The following NWD1 variants were observed in gnomAD, a reference collection of about 807,000 sequenced individuals.
NWD1 encodes NACHT and WD repeat domain containing 1.
Under a neutral mutation model 135.1 loss-of-function variants are expected in NWD1, and 129 were observed. The observed-to-expected ratio is 0.96, with a 90% confidence interval of 0.83 to 1.11. The LOEUF (loss-of-function observed/expected upper bound fraction) is 1.11, where lower values mean the gene tolerates loss of function less well. Ranked by LOEUF, NWD1 falls within the 50% of genes least tolerant of loss-of-function variation. NWD1 has a pLI of 0.00. For synonymous variants in NWD1, 773 were observed against 786.0 expected (o/e 0.98, Z 0.28); for missense variants, 1,740 against 1,851.3 (o/e 0.94, Z 1.10).
At chr19:16,740,383 TG>T (rs1232346337) in intron 4 of NWD1, among the ~76,000 whole-genome samples, 1 of 152,072 alleles carries the variant, frequency 6.6e-6, no homozygotes, top group Admixed American at 6.6e-5. Context: ...TCACCCAGGC[TG>T]GGGTGCAGTG....
At position 16,817,171 on chromosome 19, in the gene NWD1, G is replaced by A. The variant is rs1228620180; in HGVS notation, c.*2132G>A. On this transcript the variant is annotated 3_prime_UTR_variant, in exon 19 of 19. Transcript: ENST00000524140. ...AAAAATCAGCCAGGCATGGTGGTGA[G>A]TGCCTGTAATCTCAGTTACTCAGGA... 1 of 152,162 alleles carries A rather than the reference G, an allele frequency of 6.6e-6. No homozygotes were observed. Among genetic ancestry groups the A allele is most frequent in the Non-Finnish European group, 1.5e-5 (1 of 68,068 alleles). 9.4% of individuals were successfully genotyped at this position (152,162 alleles called of 1,614,324 possible).
At chr19:16,790,163 A>G (rs1456497041) in intron 13 of NWD1, among the ~76,000 whole-genome samples, 3 of 152,148 alleles carry the variant, frequency 2.0e-5, no homozygotes, top group African/African-American at 7.2e-5. Context: ...ATAGCTTACT[A>G]ATTGATGCCA....
chr19:16,786,009 C>T (rs937360288), intron 12 of NWD1, among the ~76,000 whole-genome samples: 13 of 151,838 alleles, frequency 8.6e-5, no homozygotes, highest in African/African-American at 1.7e-4. Flanking sequence ...AGATTACAGG[C>T]GCCTGCCACC....
At chr19:16,753,310 GA>G (rs1968650506) in intron 6 of NWD1, among the ~76,000 whole-genome samples, 2 of 152,192 alleles carry the variant, frequency 1.3e-5, no homozygotes, top group Admixed American at 1.3e-4. Flanking sequence ...CAGGGAGACA[GA>G]AATCAAATGG....
At chr19:16,760,982 C>T (rs1437999115) in intron 7 of NWD1, among the ~76,000 whole-genome samples, 1 of 152,274 alleles carries the variant, frequency 6.6e-6, no homozygotes, top group South Asian at 2.1e-4. Context: ...TTTCATCTCC[C>T]CAAAAGGAGA....
intron 17 of NWD1, among the ~76,000 whole-genome samples, chr19:16,803,719 C>T (rs1970668875): frequency 1.3e-5 from 2 of 149,706 alleles, no homozygotes; most frequent in Admixed American, 1.3e-4. Flanking sequence ...GAGTTGGAGA[C>T]CAGCCTGGCC....
At chr19:16,728,757 A>G (rs1967430160) in intron 2 of NWD1, among the ~76,000 whole-genome samples, 1 of 148,396 alleles carries the variant, frequency 6.7e-6, no homozygotes, top group East Asian at 2.1e-4. Flanking sequence ...ATCCTGGCTA[A>G]CACAGTGAAA....
At chr19:16,791,264 A>G (rs2123052605) in intron 13 of NWD1, 86 bp from the exon 14 acceptor site, 1 of 1,192,210 alleles carries the variant, frequency 8.4e-7, no homozygotes, top group East Asian at 2.3e-5. Flanking sequence ...AAAGTATACA[A>G]GAGAAGGCAT....
intron 11 of NWD1, among the ~76,000 whole-genome samples, chr19:16,776,067 G>A (rs1599508260): frequency 1.3e-5 from 2 of 152,162 alleles, no homozygotes; most frequent in African/African-American, 4.8e-5. Flanking sequence ...GACTATGGGG[G>A]CACAAATCGC....
chr19:16,766,596 T>C (rs985186242), intron 10 of NWD1, among the ~76,000 whole-genome samples: 7 of 152,108 alleles, frequency 4.6e-5, no homozygotes, highest in Non-Finnish European at 1.0e-4. Context: ...TAACCATTTT[T>C]TTTTTTTGAG....
chr19:16,764,768 G>A (rs147489023), intron 9 of NWD1, among the ~76,000 whole-genome samples: 1 of 152,028 alleles, frequency 6.6e-6, no homozygotes, highest in Non-Finnish European at 1.5e-5. Context: ...CCCCCCAGGG[G>A]ACACTTGACA....
At position 16,795,610 on chromosome 19, in the gene NWD1, T is replaced by A. The variant is rs555971154; in HGVS notation, c.3304+1057T>A. Among the ~76,000 whole-genome samples the A allele has an allele frequency of 2.0e-5, 3 of 151,922 alleles. No homozygotes were observed. In the East Asian group the frequency reaches 5.8e-4, roughly 29 times the overall value. ...TTTTGTATTTTTAGTAGAGATGGGG[T>A]TTCATCATGTTGGCCAGGCTGGTCT... On this transcript the variant is annotated intron_variant, in intron 15 of 18. Transcript: ENST00000524140.
At chr19:16,762,300 T>C (rs1969051822) in intron 8 of NWD1, among the ~76,000 whole-genome samples, 162 bp downstream of exon 8, 1 of 144,448 alleles carries the variant, frequency 6.9e-6, no homozygotes, top group Non-Finnish European at 1.5e-5. Context: ...CCCACTCCTT[T>C]TTTTTTTTTT....
At chr19:16,763,709 T>C in intron 8 of NWD1, 119 bp from the exon 9 acceptor site, 1 of 697,916 alleles carries the variant, frequency 1.4e-6, no homozygotes, top group Non-Finnish European at 2.6e-6. Context: ...ATGTCTGTCT[T>C]CCATTGCATT....
intron 9 of NWD1, among the ~76,000 whole-genome samples, chr19:16,764,508 T>C (rs1379110266): frequency 2.0e-5 from 3 of 151,698 alleles, no homozygotes; most frequent in African/African-American, 4.8e-5. Context: ...TCCTTCTGTC[T>C]GTCCATCCAT....
chr19:16,747,031 T>C (rs1968350274), intron 5 of NWD1, among the ~76,000 whole-genome samples: 1 of 143,338 alleles, frequency 7.0e-6, no homozygotes, highest in Non-Finnish European at 1.5e-5. Flanking sequence ...GATATTTTCT[T>C]TTTCTTTCTT....
intron 12 of NWD1, among the ~76,000 whole-genome samples, chr19:16,787,207 G>C (rs548642372): frequency 2.6e-5 from 4 of 152,056 alleles, no homozygotes; most frequent in African/African-American, 9.6e-5. Flanking sequence ...GCTCACTCCA[G>C]CCTCAACCTC....
rs149734727 is a variant in NWD1, at chr19:16,741,953, A to G, written c.199-2468A>G. On this transcript the variant is annotated intron_variant, in intron 4 of 18. Transcript: ENST00000524140. ...TGGTGAAACCCAGTCTCTACTAAAA[A>G]TACAAAAATTAGCCGGGTGTGGTGG... Among the ~76,000 whole-genome samples the G allele has an allele frequency of 7.7e-4, 117 of 152,184 alleles. 2 individuals carry two copies. Among genetic ancestry groups the G allele is most frequent in the African/African-American group, 2.7e-3 (112 of 41,534 alleles).
At chr19:16,795,312 A>T (rs2123072942) in intron 15 of NWD1, among the ~76,000 whole-genome samples, 1 of 152,256 alleles carries the variant, frequency 6.6e-6, no homozygotes, top group Non-Finnish European at 1.5e-5. Context: ...GCCAGGCTCC[A>T]TGCAGGGCCC....
Sources: allele counts gnomAD v4.1 joint callset (sites outside exome capture counted in the v4.1 genomes callset), GRCh38; gene constraint gnomAD v4.1.1; transcripts MANE v1.5; gene names NCBI Gene and HGNC (gene_info 2026-07-23, HGNC 2026-07-21).